PLEKHH1: variants seen among roughly 807,000 people sequenced by gnomAD.
PLEKHH1 encodes the protein pleckstrin homology domain-containing family H member 1.
PLEKHH1 carries 104 observed loss-of-function variants against 160.0 expected under a neutral mutation model. That is an observed-to-expected ratio of 0.65 (90% CI 0.55 to 0.76). PLEKHH1 has a LOEUF of 0.76. PLEKHH1 is among the 30% of genes least tolerant of loss of function. The probability of loss-of-function intolerance (pLI) is 0.00; values close to 1 mark genes in which losing one functional copy is unlikely to be tolerated. For synonymous variants in PLEKHH1, 619 were observed against 678.4 expected (o/e 0.91, Z 1.36); for missense variants, 1,427 against 1,724.1 (o/e 0.83, Z 3.05).
rs1315581354 is a variant in PLEKHH1, at chr14:67,577,393, G to C, written c.2553G>C (p.Thr851=). 6.3e-7 allele frequency: 1 copy of C among 1,585,574 alleles called. No individual in the cohort carries two copies. The highest frequency in any genetic ancestry group is 8.6e-7 in the Non-Finnish European group (1 of 1,165,804). The change falls in exon 18 of 29, where the codon ACG becomes ACC. Residue 851 remains threonine, a synonymous_variant. Transcript: ENST00000329153. ...CCCTGCCCTCTGAGGCCTTGCAGAC[G>C]GAGGCCCTCAAGCTCTTCAAGGTAA... is the stretch of plus-strand genomic sequence containing the variant. ...LTTLPSEALQ[T]EALKLFKSCQ...
intron 2 of PLEKHH1, among the ~76,000 whole-genome samples, chr14:67,548,087 ATCATTT>A (rs562848216): frequency 8.2e-4 from 125 of 152,350 alleles, no homozygotes; most frequent in African/African-American, 2.8e-3. Context: ...CTTTGCTCAC[ATCATTT>A]TCCCTAGCTG....
At position 67,579,201 on chromosome 14, in the gene PLEKHH1, C is replaced by T. The variant is rs2035773253; in HGVS notation, c.2917C>T (p.Arg973Trp). The change falls in exon 21 of 29, where the codon CGG becomes TGG. Residue 973 changes from arginine (R) to tryptophan (W), a missense_variant. Arg to Trp is a moderately radical substitution (Grantham distance 101, BLOSUM62 -3). Transcript: ENST00000329153. ...GGAGCGGACCCTGCGGACCGGGGAG[C>T]GGGAAGCCAGGCCATCGCGCATGGA... ...AVERTLRTGE[R>W]EARPSRMEVV... is the part of the protein sequence containing the mutation. 6 of 1,610,922 alleles carry T rather than the reference C, an allele frequency of 3.7e-6. No individual in the cohort carries two copies. Among genetic ancestry groups the T allele is most frequent in the African/African-American group, 1.3e-5 (1 of 74,868 alleles).
At position 67,582,302 on chromosome 14, in the gene PLEKHH1, C is replaced by A. The variant is rs1200861868; in HGVS notation, c.3426+92C>A. On this transcript the variant is annotated intron_variant, in intron 24 of 28. Transcript: ENST00000329153. This position sits in a 1 kb window ranked among gnomAD's most constrained non-coding sequence, Gnocchi z 5.0. ...GAAACACAGGAGAGATTCTGCAGAT[C>A]CTGTGGTGCTCAGGAGAGGGCAGCT... The A allele has an allele frequency of 2.5e-6, 4 of 1,593,424 alleles. No individual in the cohort carries two copies. The South Asian group carries it at 4.5e-5, about 18-fold the overall frequency.
intron 2 of PLEKHH1, among the ~76,000 whole-genome samples, chr14:67,554,442 C>T (rs552185043): frequency 5.3e-5 from 8 of 152,172 alleles, no homozygotes; most frequent in Non-Finnish European, 8.8e-5. Flanking sequence ...TGTCCAGCCT[C>T]GTGGAAGGCG....
At chr14:67,567,139 C>G (rs1045832203) in intron 7 of PLEKHH1, among the ~76,000 whole-genome samples, 1 of 112,890 alleles carries the variant, frequency 8.9e-6, no homozygotes, top group Non-Finnish European at 2.0e-5. Context: ...CATGATCACT[C>G]GTGTTCCGTG....
intron 15 of PLEKHH1, 123 bp downstream of exon 15, chr14:67,575,595 G>T (rs1303917125): frequency 1.3e-6 from 1 of 766,866 alleles, no homozygotes; most frequent in South Asian, 1.5e-5. Context: ...AAATCAGTTG[G>T]CTGGATCCCT....
At chr14:67,560,727 C>CTTTTTTT (rs11433194) in intron 5 of PLEKHH1, among the ~76,000 whole-genome samples, 2 of 126,428 alleles carry the variant, frequency 1.6e-5, no homozygotes, top group Admixed American at 8.2e-5. Context: ...GAACATATAT[C>CTTTTTTT]TTTTTTTTTT....
In PLEKHH1 at chr14:67,577,364, A is replaced by C; in HGVS notation, c.2524A>C (p.Thr842Pro). 6.3e-7 allele frequency: 1 copy of C among 1,591,716 alleles called. No individual in the cohort carries two copies. Among genetic ancestry groups the C allele is most frequent in the Non-Finnish European group, 8.5e-7 (1 of 1,169,590 alleles). Residue 842 changes from threonine to proline, a missense_variant, in exon 18 of 29, where the codon ACC becomes CCC. Thr to Pro is a conservative substitution (Grantham distance 38, BLOSUM62 -1). Transcript: ENST00000329153. Reference protein sequence around the residue: ...YSKDGLYASLTTLPSEALQTE... With the variant: ...YSKDGLYASLPTLPSEALQTE... ...CAAAGACGGCCTATACGCCTCCCTC[A>C]CCACCCTGCCCTCTGAGGCCTTGCA...
At chr14:67,577,502 A>G in intron 18 of PLEKHH1, 88 bp downstream of exon 18, 1 of 826,342 alleles carries the variant, frequency 1.2e-6, no homozygotes. Flanking sequence ...CAACCCACAG[A>G]GGGATCTGGA....
chr14:67,571,791 T>C lies in PLEKHH1; in HGVS notation c.1474T>C (p.Ser492Pro). 1 of 1,613,602 alleles carries C rather than the reference T, an allele frequency of 6.2e-7. No individual in the cohort carries two copies. Residue 492 changes from serine to proline, a missense_variant, in exon 10 of 29, where the codon TCC becomes CCC. This residue lies in a region of PLEKHH1 where 831 missense variants were observed against 929.2 expected (regional missense o/e 0.89). Coordinates refer to ENST00000329153, the MANE Select transcript of PLEKHH1 (RefSeq NM_020715.3). ...CAGCAACATGCCCTTTATGGACGAGTCCTCTGGGTCTGACGATGACTGCAG... is the reference window on the plus strand; with the variant it reads ...CAGCAACATGCCCTTTATGGACGAGCCCTCTGGGTCTGACGATGACTGCAG... Reference protein sequence around the residue: ...QISNMPFMDESSGSDDDCSSQ... With the variant: ...QISNMPFMDEPSGSDDDCSSQ...
At chr14:67,557,505 C>A in intron 4 of PLEKHH1, 87 bp downstream of exon 4, 1 of 1,287,072 alleles carries the variant, frequency 7.8e-7, no homozygotes, top group Non-Finnish European at 1.1e-6. Flanking sequence ...CCGCTCAAGC[C>A]CTCTAGTGCT....
intron 21 of PLEKHH1, 164 bp from the exon 22 acceptor site, chr14:67,579,557 C>T: frequency 1.4e-6 from 1 of 691,302 alleles, no homozygotes; most frequent in Non-Finnish European, 2.4e-6. Flanking sequence ...AGCTCACATC[C>T]CTCATGCACT....
In PLEKHH1 at chr14:67,571,790, G is replaced by A. The variant is rs763793808; in HGVS notation, c.1473G>A (p.Glu491=). 4 of 1,613,944 alleles carry A rather than the reference G, an allele frequency of 2.5e-6. No homozygotes were observed. In the South Asian group the frequency reaches 4.4e-5, roughly 18 times the overall value. The change falls in exon 10 of 29, where the codon GAG becomes GAA. Residue 491 remains glutamate, a synonymous_variant. Transcript: ENST00000329153. ...TQISNMPFMD[E]SSGSDDDCSS... is the part of the protein sequence containing the mutation. ...TCAGCAACATGCCCTTTATGGACGA[G>A]TCCTCTGGGTCTGACGATGACTGCA... is the stretch of plus-strand genomic sequence containing the variant.
In PLEKHH1 at chr14:67,541,961, G is replaced by T; in HGVS notation, c.94G>T (p.Ala32Ser). The T allele has an allele frequency of 6.2e-7, 1 of 1,607,698 alleles. No homozygotes were observed. Among genetic ancestry groups the T allele is most frequent in the Non-Finnish European group, 8.5e-7 (1 of 1,177,354 alleles). ...ETQLFRFRLQ[A>S]SKIRELLADK... ...TCAGCTTTTCCGGTTCCGCCTACAG[G>T]CCAGCAAGATAAGGGAGCTGCTGGC... The change falls in exon 2 of 29, where the codon GCC (alanine) becomes TCC (serine). Residue 32 changes from alanine to serine, a missense_variant. By Grantham distance (99) the Ala-to-Ser change is moderately conservative (BLOSUM62 1). Around this residue, in one of 6 missense-constraint regions of PLEKHH1, gnomAD observed 831 missense variants for 929.2 expected, o/e 0.89. Transcript: ENST00000329153.
intron 22 of PLEKHH1, 158 bp downstream of exon 22, chr14:67,580,034 G>A (rs2035817550): frequency 1.5e-6 from 1 of 662,338 alleles, no homozygotes; most frequent in Non-Finnish European, 2.5e-6. Context: ...ATCCTAAAAT[G>A]TACCTGGGCA....
rs1390859026 is a variant in PLEKHH1, at chr14:67,562,424, C to G, written c.793C>G (p.Pro265Ala). 3 of 1,613,640 alleles carry G rather than the reference C, an allele frequency of 1.9e-6. No homozygotes were observed. The highest frequency in any genetic ancestry group is 2.5e-6 in the Non-Finnish European group (3 of 1,179,686). Residue 265 changes from proline to alanine, a missense_variant, in exon 7 of 29, where the codon CCC becomes GCC. This residue lies in a region of PLEKHH1 where 831 missense variants were observed against 929.2 expected (regional missense o/e 0.89). Coordinates refer to ENST00000329153, the MANE Select transcript of PLEKHH1 (RefSeq NM_020715.3). ...ACCTCATCTGGGAAGAGAGAGCCCT[C>G]CCCACCAGCCATGCATGAAGCTTCT... Reference protein sequence around the residue: ...LQPHLGRESPPHQPCMKLLTF... With the variant: ...LQPHLGRESPAHQPCMKLLTF...
In PLEKHH1 at chr14:67,587,062, A is replaced by T. The variant is rs182900568; in HGVS notation, c.3934-12A>T. ...CTAGTTCAATTCCTTCACATCTCTG[A>T]CCTCCTCTTAGATTGCAGAAGCTAC... is the stretch of plus-strand genomic sequence containing the variant. On this transcript the variant is annotated splice_polypyrimidine_tract_variant and intron_variant, in intron 28 of 28. Transcript: ENST00000329153. The T allele has an allele frequency of 1.3e-3, 2,003 of 1,579,100 alleles. 13 individuals carry two copies. The highest frequency in any genetic ancestry group is 4.2e-4 in the Non-Finnish European group (483 of 1,159,438).
chr14:67,571,918 G>A lies in PLEKHH1; in HGVS notation c.1585+16G>A. ...ATCAAGAGAGGTACAGAGAAGGGGAGCAGGGGCAGGGTGCAGCAGCAAGGA... is the reference window on the plus strand; with the variant it reads ...ATCAAGAGAGGTACAGAGAAGGGGAACAGGGGCAGGGTGCAGCAGCAAGGA... On this transcript the variant is annotated intron_variant, in intron 10 of 28. Transcript: ENST00000329153. 1 of 1,595,658 alleles carries A rather than the reference G, an allele frequency of 6.3e-7. No homozygotes were observed. The highest frequency in any genetic ancestry group is 1.3e-5 in the African/African-American group (1 of 74,706).
At chr14:67,549,852 G>A (rs535045647) in intron 2 of PLEKHH1, among the ~76,000 whole-genome samples, 1 of 152,234 alleles carries the variant, frequency 6.6e-6, no homozygotes, top group African/African-American at 2.4e-5. Flanking sequence ...TCTCTGACTT[G>A]CTAAAGAAAA....
Sources: allele counts gnomAD v4.1 joint callset (sites outside exome capture counted in the v4.1 genomes callset), GRCh38; gene constraint gnomAD v4.1.1; regional missense constraint gnomAD v4.1.1; non-coding constraint Gnocchi (gnomAD v3.1); transcripts MANE v1.5; gene names NCBI Gene and HGNC (gene_info 2026-07-23, HGNC 2026-07-21).